LHPP: variants seen among roughly 807,000 people sequenced by gnomAD.
LHPP encodes phospholysine phosphohistidine inorganic pyrophosphate phosphatase.
In LHPP, 24 loss-of-function variants were observed where a neutral mutation model predicts 30.3. That is an observed-to-expected ratio of 0.79 (90% confidence interval 0.57 to 1.11). LHPP has a LOEUF of 1.11. Among genes scored for constraint, LHPP ranks in the 50% most tolerant of loss-of-function variants. The probability of loss-of-function intolerance (pLI) is 0.00; values close to 1 mark genes in which losing one functional copy is unlikely to be tolerated. For missense variants in LHPP, 356 were observed against 367.2 expected (o/e 0.97, Z 0.25); for synonymous variants, 150 against 157.1 (o/e 0.95, Z 0.34).
At chr10:124,543,390 G>T (rs938753778) in intron 6 of LHPP, among the ~76,000 whole-genome samples, 10 of 152,262 alleles carry the variant, frequency 6.6e-5, no homozygotes, top group Admixed American at 5.9e-4. Context: ...AGCGAGGACA[G>T]TGCAGGCGCA....
At chr10:124,475,292 C>T (rs949965510) in intron 1 of LHPP, among the ~76,000 whole-genome samples, 97 of 151,780 alleles carry the variant, frequency 6.4e-4, no homozygotes, top group Admixed American at 1.3e-3. Context: ...GCCTTGGCCT[C>T]CCAAAGTGCT....
At chr10:124,577,291 C>T (rs1948676497) in intron 6 of LHPP, among the ~76,000 whole-genome samples, 1 of 152,220 alleles carries the variant, frequency 6.6e-6, no homozygotes, top group African/African-American at 2.4e-5. Flanking sequence ...CCCCAGCGTC[C>T]ACCCCAGCCT....
At chr10:124,600,433 G>C (rs992619550) in intron 6 of LHPP, among the ~76,000 whole-genome samples, 1 of 152,256 alleles carries the variant, frequency 6.6e-6, no homozygotes, top group Non-Finnish European at 1.5e-5. Context: ...GGGCTGGCTC[G>C]ATCTGGGTGT....
At chr10:124,595,919 C>A (rs372230313) in intron 6 of LHPP, among the ~76,000 whole-genome samples, 1 of 152,298 alleles carries the variant, frequency 6.6e-6, no homozygotes, top group Non-Finnish European at 1.5e-5. Flanking sequence ...AGACGAGGAG[C>A]ACCTCCAATA....
chr10:124,608,230 G>A (rs918965838), intron 6 of LHPP, among the ~76,000 whole-genome samples: 13 of 152,084 alleles, frequency 8.5e-5, no homozygotes, highest in Non-Finnish European at 1.3e-4. Flanking sequence ...TCCTCCCTGT[G>A]CCCCATGTAG....
rs915191793 is a variant in LHPP at position 124,593,865 on chromosome 10, C to T, written c.717-19399C>T. On this transcript the variant is annotated intron_variant, in intron 6 of 6. Transcript: ENST00000368842. The surrounding 1 kb of genome is among the most constrained non-coding windows in gnomAD (Gnocchi z 4.9). ...GCGGAGCAGGTGGCATTTGCCATGC[C>T]TGCCCTGCTTGGGTATTTGGCCCCA... Among the ~76,000 whole-genome samples the T allele has an allele frequency of 2.6e-5, 4 of 152,252 alleles. No individual in the cohort carries two copies. The highest frequency in any genetic ancestry group is 9.6e-5 in the African/African-American group (4 of 41,462).
intron 1 of LHPP, among the ~76,000 whole-genome samples, chr10:124,469,484 C>T (rs918919113): frequency 1.3e-5 from 2 of 151,306 alleles, no homozygotes; most frequent in African/African-American, 4.9e-5. Context: ...TAACCACCCA[C>T]CTTCCCTTCA....
Position 124,593,872 on chromosome 10 carries a change from G to T in LHPP, c.717-19392G>T, listed in dbSNP as rs1015716014. ...AGGTGGCATTTGCCATGCCTGCCCT[G>T]CTTGGGTATTTGGCCCCAGGGCCAG... On this transcript the variant is annotated intron_variant, in intron 6 of 6. Transcript: ENST00000368842. This position sits in a 1 kb window ranked among gnomAD's most constrained non-coding sequence, Gnocchi z 4.9. Among the ~76,000 whole-genome samples, 1 of 152,228 alleles carries T rather than the reference G, an allele frequency of 6.6e-6. No homozygotes were observed. Among genetic ancestry groups the T allele is most frequent in the Admixed American group, 6.5e-5 (1 of 15,292 alleles).
At chr10:124,566,602 G>A (rs927018173) in intron 6 of LHPP, among the ~76,000 whole-genome samples, 1 of 152,192 alleles carries the variant, frequency 6.6e-6, no homozygotes, top group Non-Finnish European at 1.5e-5. Flanking sequence ...GCAAATGCAC[G>A]GACCCAGCAC....
Position 124,578,120 on chromosome 10 carries a change from A to G in LHPP, c.717-35144A>G, listed in dbSNP as rs74160938. On this transcript the variant is annotated intron_variant, in intron 6 of 6. Transcript: ENST00000368842. ...CTGAGTCGCTCTTCCTCCCATAGAC[A>G]CATTTGGAGTTCCCACTGCCTTCCT... is the stretch of plus-strand genomic sequence containing the variant. 6.2e-3 allele frequency among the ~76,000 whole-genome samples: 946 copies of G among 152,162 alleles called. 7 individuals carry two copies. The highest frequency in any genetic ancestry group is 0.022 in the African/African-American group (908 of 41,488).
chr10:124,482,833 G>A (rs948130159), intron 1 of LHPP, among the ~76,000 whole-genome samples: 6 of 152,090 alleles, frequency 3.9e-5, no homozygotes, highest in Non-Finnish European at 7.4e-5. Flanking sequence ...TCTGCATAGC[G>A]TCTCTCTCTT....
In LHPP at chr10:124,577,168, G is replaced by A. The variant is rs1948674752; in HGVS notation, c.717-36096G>A. On this transcript the variant is annotated intron_variant, in intron 6 of 6. Transcript: ENST00000368842. ...GTGGGTCCGTGCTGGACCAGGAGAA[G>A]GGCCAGGTAGGCTGATGGGTCCTGA... Among the ~76,000 whole-genome samples, 3 of 152,292 alleles carry A rather than the reference G, an allele frequency of 2.0e-5. No individual in the cohort carries two copies. The South Asian group carries it at 6.2e-4, about 32-fold the overall frequency.
rs572768392 is a variant in LHPP at position 124,544,753 on chromosome 10, G to T, written c.716+27482G>T. Among the ~76,000 whole-genome samples, 19 of 152,332 alleles carry T rather than the reference G, an allele frequency of 1.2e-4. No individual in the cohort carries two copies. The East Asian group carries it at 2.5e-3, about 20-fold the overall frequency. On this transcript the variant is annotated intron_variant, in intron 6 of 6. Coordinates refer to ENST00000368842, the MANE Select transcript of LHPP (RefSeq NM_022126.4). Reference sequence around the variant, plus strand: ...CTGAAGTGGGGAGAAGGCTGCCCCCGTCACGGGACCTCACAGTGTTAGATG... The same window carrying T: ...CTGAAGTGGGGAGAAGGCTGCCCCCTTCACGGGACCTCACAGTGTTAGATG...
intron 6 of LHPP, chr10:124,526,003 C>G (rs1192645743): frequency 5.8e-6 from 1 of 173,812 alleles, no homozygotes; most frequent in Admixed American, 6.9e-5. Context: ...TGGGGGTTGG[C>G]CCAGAAGGTA....
chr10:124,553,681 G>A (rs1388663264), intron 6 of LHPP, among the ~76,000 whole-genome samples: 7 of 152,106 alleles, frequency 4.6e-5, no homozygotes, highest in African/African-American at 4.8e-5. Context: ...GGATGGTCTC[G>A]ATCTCCTGAC....
chr10:124,472,560 CTT>C (rs1344794719), intron 1 of LHPP, among the ~76,000 whole-genome samples: 20 of 141,490 alleles, frequency 1.4e-4, no homozygotes, highest in Admixed American at 2.8e-4. Flanking sequence ...TATAAACTTA[CTT>C]TTTTTTTTTT....
chr10:124,571,986 G>A (rs567878844), intron 6 of LHPP, among the ~76,000 whole-genome samples: 40 of 152,316 alleles, frequency 2.6e-4, no homozygotes, highest in African/African-American at 9.4e-4. Context: ...TGCGAGTTCT[G>A]GGGAAGGAAC....
chr10:124,497,075 G>C, intron 4 of LHPP, 51 bp downstream of exon 4: 1 of 1,428,796 alleles, frequency 7.0e-7, no homozygotes, highest in Non-Finnish European at 9.8e-7. Flanking sequence ...AGGGCACCTG[G>C]GACTTTTTGG....
At chr10:124,513,654 C>T (rs1954373618) in intron 5 of LHPP, among the ~76,000 whole-genome samples, 1 of 150,744 alleles carries the variant, frequency 6.6e-6, no homozygotes, top group Admixed American at 6.6e-5. Flanking sequence ...ACTGGTTTCA[C>T]TATGTTGGCC....
Sources: allele counts gnomAD v4.1 joint callset (sites outside exome capture counted in the v4.1 genomes callset), GRCh38; gene constraint gnomAD v4.1.1; non-coding constraint Gnocchi (gnomAD v3.1); transcripts MANE v1.5; gene names NCBI Gene and HGNC (gene_info 2026-07-23, HGNC 2026-07-21).